The following TTLL1 variants were observed in gnomAD, a reference collection of about 807,000 sequenced individuals.
The protein encoded by TTLL1 is TTL family tubulin polyglutamylase complex subunit L1.
A neutral mutation model predicts 47.8 loss-of-function variants in TTLL1; 33 were observed. The ratio of observed to expected loss-of-function variants is 0.69; its 90% confidence interval spans 0.52 to 0.92. The LOEUF (loss-of-function observed/expected upper bound fraction) is 0.92. Among genes scored for constraint, TTLL1 ranks in the 40% least tolerant of loss-of-function variants. The probability of loss-of-function intolerance (pLI) is 0.00; values close to 1 mark genes in which losing one functional copy is unlikely to be tolerated. For missense variants in TTLL1, 488 were observed against 547.5 expected (o/e 0.89, Z 1.08); for synonymous variants, 225 against 214.1 (o/e 1.05, Z -0.45).
chr22:43,062,501 A>AC (rs1015198561), intron 7 of TTLL1, among the ~76,000 whole-genome samples: 2 of 147,354 alleles, frequency 1.4e-5, no homozygotes, highest in South Asian at 4.3e-4. Flanking sequence ...TAAAAAAAAA[A>AC]AAGAAAAGAA....
intron 9 of TTLL1, among the ~76,000 whole-genome samples, chr22:43,048,455 C>A (rs1016136219): frequency 7.0e-6 from 1 of 143,166 alleles, no homozygotes; most frequent in Non-Finnish European, 1.5e-5. Flanking sequence ...GGCAACACAG[C>A]GAGACCCCAT....
intron 2 of TTLL1, among the ~76,000 whole-genome samples, chr22:43,078,275 C>T (rs1047225816): frequency 9.9e-5 from 15 of 151,794 alleles, no homozygotes; most frequent in African/African-American, 3.6e-4. Flanking sequence ...GTGGGCGGAT[C>T]ACCTGAGGTC....
chr22:43,045,395 A>T (rs1222012719), intron 10 of TTLL1, among the ~76,000 whole-genome samples: 1 of 151,836 alleles, frequency 6.6e-6, no homozygotes, highest in Non-Finnish European at 1.5e-5. Context: ...CACTCTGCAC[A>T]GTTTCTGACA....
chr22:43,087,280 T>C (rs1929283461), intron 1 of TTLL1, among the ~76,000 whole-genome samples: 1 of 152,194 alleles, frequency 6.6e-6, no homozygotes. Flanking sequence ...ATACAGATTC[T>C]TTGGGAGGCC....
At position 43,054,774 on chromosome 22, in the gene TTLL1, G is replaced by A. The variant is rs187214401; in HGVS notation, c.892-2887C>T. Among the ~76,000 whole-genome samples the A allele has an allele frequency of 2.1e-5, 3 of 139,726 alleles. No homozygotes were observed. In the Admixed American group the frequency reaches 2.4e-4, roughly 11 times the overall value. 91.7% of individuals were successfully genotyped at this position (139,726 alleles called of 152,430 possible). Reference sequence around the variant, plus strand: ...GGAGTCTTGCTCTGTGGCCCAGGCTGGAGTGCAGTGGCGCAATCTCGGCTC... The same window carrying A: ...GGAGTCTTGCTCTGTGGCCCAGGCTAGAGTGCAGTGGCGCAATCTCGGCTC... On this transcript the variant is annotated intron_variant, in intron 8 of 10. Coordinates refer to ENST00000266254, the MANE Select transcript of TTLL1 (RefSeq NM_012263.5).
rs1369654241 is a variant in TTLL1, at chr22:43,068,465, G to T, written c.448C>A (p.Leu150Ile). The T allele has an allele frequency of 6.4e-7, 1 of 1,567,512 alleles. No individual in the cohort carries two copies. The highest frequency in any genetic ancestry group is 8.7e-7 in the Non-Finnish European group (1 of 1,145,254). Reference sequence around the variant, plus strand: ...TTGATCTGTGAGAGCTTGTTGATAAGGAAGATGCCCTTTCCCTGGGCCTTG... The same window carrying T: ...TTGATCTGTGAGAGCTTGTTGATAATGAAGATGCCCTTTCCCTGGGCCTTG... ...CGKAQGKGIF[L>I]INKLSQIKKW... The change falls in exon 5 of 11, where the codon CTT becomes ATT. Residue 150 changes from leucine (L) to isoleucine (I), a missense_variant. Coordinates refer to ENST00000266254, the MANE Select transcript of TTLL1 (RefSeq NM_012263.5).
chr22:43,087,279 C>A (rs1404442215), intron 1 of TTLL1, among the ~76,000 whole-genome samples: 3 of 152,216 alleles, frequency 2.0e-5, no homozygotes, highest in African/African-American at 4.8e-5. Flanking sequence ...AATACAGATT[C>A]TTTGGGAGGC....
At chr22:43,061,729 G>A (rs199623373) in intron 7 of TTLL1, among the ~76,000 whole-genome samples, 19 of 152,052 alleles carry the variant, frequency 1.2e-4, no homozygotes, top group East Asian at 9.6e-4. Context: ...CTGCCCTCAC[G>A]CCAGGGGCTC....
At chr22:43,061,695 G>T (rs886858088) in intron 7 of TTLL1, among the ~76,000 whole-genome samples, 1 of 152,114 alleles carries the variant, frequency 6.6e-6, no homozygotes, top group African/African-American at 2.4e-5. Context: ...GCCCTTGCTG[G>T]CCTCTCCAGT....
At chr22:43,041,676 G>T (rs533601471) in intron 10 of TTLL1, among the ~76,000 whole-genome samples, 1 of 151,300 alleles carries the variant, frequency 6.6e-6, no homozygotes, top group Non-Finnish European at 1.5e-5. Context: ...CACCACGCCC[G>T]GCTAACTTTT....
At chr22:43,059,563 T>G (rs764879196) in intron 7 of TTLL1, 36 bp from the exon 8 acceptor site, 2 of 1,596,882 alleles carry the variant, frequency 1.3e-6, no homozygotes, top group South Asian at 2.3e-5. Context: ...TCCCTCAGGC[T>G]ATGCACCCCA....
chr22:43,055,526 C>T, intron 8 of TTLL1, among the ~76,000 whole-genome samples: 1 of 151,922 alleles, frequency 6.6e-6, no homozygotes, highest in East Asian at 1.9e-4. Flanking sequence ...GAGACAGAGT[C>T]TCGCATGTTG....
chr22:43,072,046 T>C (rs760911827), intron 3 of TTLL1, among the ~76,000 whole-genome samples: 1 of 152,216 alleles, frequency 6.6e-6, no homozygotes, highest in African/African-American at 2.4e-5. Flanking sequence ...TTTTACTGTA[T>C]TCCACTGGTC....
At chr22:43,040,454 C>CT (rs995002746) in intron 10 of TTLL1, among the ~76,000 whole-genome samples, 14 of 151,234 alleles carry the variant, frequency 9.3e-5, no homozygotes, top group South Asian at 6.3e-4. Flanking sequence ...TCCCCATTTT[C>CT]TTTTTTTTTG....
chr22:43,060,924 G>A (rs1048953153), intron 7 of TTLL1, among the ~76,000 whole-genome samples: 2 of 152,124 alleles, frequency 1.3e-5, no homozygotes, highest in African/African-American at 2.4e-5. Context: ...GTCCAGGCGC[G>A]GTGGCTCACG....
At chr22:43,053,281 G>A (rs1238521586) in intron 8 of TTLL1, among the ~76,000 whole-genome samples, 1 of 152,102 alleles carries the variant, frequency 6.6e-6, no homozygotes, top group Non-Finnish European at 1.5e-5. Context: ...CCGCTTCAAC[G>A]AAACACTTGA....
intron 4 of TTLL1, 26 bp from the exon 5 acceptor site, chr22:43,068,616 G>A (rs372773902): frequency 2.8e-6 from 4 of 1,424,404 alleles, no homozygotes; most frequent in Non-Finnish European, 3.7e-6. Context: ...ACCCAGCACT[G>A]GTAAGCAGCC....
intron 10 of TTLL1, among the ~76,000 whole-genome samples, chr22:43,045,009 C>T (rs1266861942): frequency 1.3e-5 from 2 of 152,022 alleles, no homozygotes; most frequent in Non-Finnish European, 2.9e-5. Flanking sequence ...ATTACAAGCG[C>T]GCACTACCAC....
intron 4 of TTLL1, among the ~76,000 whole-genome samples, chr22:43,069,047 C>G (rs1927929123): frequency 6.6e-6 from 1 of 151,808 alleles, no homozygotes; most frequent in East Asian, 1.9e-4. Flanking sequence ...AAGTATTTCC[C>G]CAGGCTGAGC....
Sources: allele counts gnomAD v4.1 joint callset (sites outside exome capture counted in the v4.1 genomes callset), GRCh38; gene constraint gnomAD v4.1.1; transcripts MANE v1.5; gene names NCBI Gene and HGNC (gene_info 2026-07-23, HGNC 2026-07-21).